The following KIAA1217 variants were observed in gnomAD, a reference collection of about 807,000 sequenced individuals.
The protein encoded by KIAA1217 is sickle tail protein homolog.
Under a neutral mutation model 163.9 loss-of-function variants are expected in KIAA1217, and 88 were observed. The observed-to-expected ratio is 0.54, with a 90% CI of 0.45 to 0.64. The LOEUF (loss-of-function observed/expected upper bound fraction) is 0.64, where lower values mean the gene tolerates loss of function less well. Ranked by LOEUF, KIAA1217 falls within the 30% of genes least tolerant of loss-of-function variation. The pLI, the probability that KIAA1217 is intolerant of heterozygous loss-of-function variation, is 0.00. For missense variants in KIAA1217, 2,372 were observed against 2,475.0 expected (o/e 0.96, Z 0.88); for synonymous variants, 903 against 923.1 (o/e 0.98, Z 0.39).
At chr10:23,722,615 C>A (rs1837929957) in intron 1 of KIAA1217, among the ~76,000 whole-genome samples, 2 of 152,102 alleles carry the variant, frequency 1.3e-5, no homozygotes, top group African/African-American at 4.8e-5. Flanking sequence ...TTAAGATGTG[C>A]CATCCTTTGA....
intron 1 of KIAA1217, among the ~76,000 whole-genome samples, chr10:23,808,949 G>A (rs11013718): frequency 0.064 from 9,775 of 152,108 alleles, 1,054 homozygotes; most frequent in African/African-American, 0.22. Context: ...TAACAAGGAA[G>A]GGATGTTAGA....
At chr10:24,347,971 C>T (rs2048000976) in intron 2 of KIAA1217, among the ~76,000 whole-genome samples, 1 of 152,200 alleles carries the variant, frequency 6.6e-6, no homozygotes, top group Non-Finnish European at 1.5e-5. Flanking sequence ...TATGCATATT[C>T]ATATGCATGT....
chr10:24,130,737 A>G (rs1361473781), intron 2 of KIAA1217, among the ~76,000 whole-genome samples: 1 of 152,210 alleles, frequency 6.6e-6, no homozygotes, highest in African/African-American at 2.4e-5. Flanking sequence ...TAAGTTCTCA[A>G]TAACTATCAA....
chr10:23,770,952 G>A (rs761640577), intron 1 of KIAA1217, among the ~76,000 whole-genome samples: 57 of 152,146 alleles, frequency 3.7e-4, no homozygotes, highest in Non-Finnish European at 6.9e-4. Context: ...ATAAATTAGC[G>A]TGTTATCAAC....
At chr10:23,856,797 C>T (rs907006382) in intron 1 of KIAA1217, among the ~76,000 whole-genome samples, 2 of 152,250 alleles carry the variant, frequency 1.3e-5, no homozygotes, top group Non-Finnish European at 2.9e-5. Context: ...ATTCTGTGGG[C>T]GTAGGACACT....
chr10:24,178,456 A>G (rs1293562303), intron 2 of KIAA1217, among the ~76,000 whole-genome samples: 4 of 152,196 alleles, frequency 2.6e-5, no homozygotes, highest in Non-Finnish European at 4.4e-5. Flanking sequence ...CTGAGGTGCT[A>G]TGATGGGATT....
chr10:23,789,934 CACATAT>C lies in KIAA1217; in HGVS notation c.-321+94711_-321+94716del, dbSNP rs1219567142. On this transcript the variant is annotated intron_variant, in intron 1 of 18. Coordinates refer to the KIAA1217 transcript ENST00000376462. ...ACATATGCATATACATGTATATATA[CACATAT>C]ACATATACATGTATATATACACATA... Among the ~76,000 whole-genome samples the C allele has an allele frequency of 1.5e-5, 2 of 132,966 alleles. 1 individual carries two copies. Among genetic ancestry groups the C allele is most frequent in the African/African-American group, 6.4e-5 (2 of 31,342 alleles). 87.2% of individuals were successfully genotyped at this position (132,966 alleles called of 152,430 possible). A position where few individuals can be genotyped will look rare whatever the true frequency, so the allele number is the denominator to read the frequency against.
At chr10:23,707,677 A>G (rs1184846281) in intron 1 of KIAA1217, among the ~76,000 whole-genome samples, 1 of 152,168 alleles carries the variant, frequency 6.6e-6, no homozygotes, top group Non-Finnish European at 1.5e-5. Flanking sequence ...GGACTTTACC[A>G]CTACACAATA....
At chr10:23,956,302 TACACACACATTC>T (rs912050447) in intron 1 of KIAA1217, among the ~76,000 whole-genome samples, 3 of 152,106 alleles carry the variant, frequency 2.0e-5, no homozygotes, top group African/African-American at 7.2e-5. Context: ...AAATAAACAG[TACACACACATTC>T]ACACACACAT....
chr10:24,060,801 C>T (rs1044107901), intron 2 of KIAA1217, among the ~76,000 whole-genome samples: 4 of 152,016 alleles, frequency 2.6e-5, no homozygotes, highest in African/African-American at 4.8e-5. Context: ...GTCACAGCTT[C>T]GGTGAGAGAG....
intron 8 of KIAA1217, among the ~76,000 whole-genome samples, chr10:24,501,081 TTAAAA>T (rs71397952): frequency 3.7e-5 from 4 of 108,228 alleles, no homozygotes; most frequent in South Asian, 5.3e-4. Context: ...GAAAAAAAAA[TTAAAA>T]TAAAAAAAAA....
intron 2 of KIAA1217, among the ~76,000 whole-genome samples, chr10:24,350,474 T>A (rs2048322736): frequency 6.6e-6 from 1 of 152,202 alleles, no homozygotes; most frequent in African/African-American, 2.4e-5. Context: ...TAACCTCTTT[T>A]GCCTGGGTGC....
chr10:24,074,089 A>G (rs1251814539), intron 2 of KIAA1217, among the ~76,000 whole-genome samples: 1 of 152,176 alleles, frequency 6.6e-6, no homozygotes, highest in African/African-American at 2.4e-5. Flanking sequence ...CATGCCTGTA[A>G]CCCCAGCACT....
In KIAA1217 at chr10:24,536,860, G is replaced by A. The variant is rs753438365; in HGVS notation, c.3501G>A (p.Arg1167=). ...CTGACAGTCACGTTAAAGACACTAGGTCGGGCGCCACAGTGCCACCCAAGG... is the reference window on the plus strand; with the variant it reads ...CTGACAGTCACGTTAAAGACACTAGATCGGGCGCCACAGTGCCACCCAAGG... ...SRADSHVKDT[R]SGATVPPKEK... Residue 1167 remains arginine (R), a synonymous_variant, in exon 17 of 21, where the codon AGG becomes AGA. Transcript: ENST00000376454. 3.1e-6 allele frequency: 5 copies of A among 1,614,070 alleles called. No homozygotes were observed. The East Asian group carries it at 8.9e-5, about 29-fold the overall frequency.
At chr10:24,177,206 G>A (rs567895033) in intron 2 of KIAA1217, among the ~76,000 whole-genome samples, 2 of 142,578 alleles carry the variant, frequency 1.4e-5, no homozygotes, top group East Asian at 2.2e-4. Context: ...CCAAGCCTGA[G>A]GAGGCACCGA....
At chr10:24,411,209 G>A (rs1250528040) in intron 3 of KIAA1217, among the ~76,000 whole-genome samples, 2 of 152,128 alleles carry the variant, frequency 1.3e-5, no homozygotes, top group Non-Finnish European at 2.9e-5. Flanking sequence ...TATTCAGTTG[G>A]ACAGGTTTTT....
At chr10:23,945,187 C>T (rs988249440) in intron 1 of KIAA1217, among the ~76,000 whole-genome samples, 1 of 151,960 alleles carries the variant, frequency 6.6e-6, no homozygotes, top group Admixed American at 6.6e-5. Flanking sequence ...TACAAGAATG[C>T]TCATAGTAGC....
intron 2 of KIAA1217, among the ~76,000 whole-genome samples, chr10:24,062,516 AT>A (rs888790983): frequency 6.0e-5 from 9 of 150,608 alleles, no homozygotes; most frequent in African/African-American, 2.2e-4. Flanking sequence ...TATGTGCCAC[AT>A]TTTCTTAATC....
Position 24,091,816 on chromosome 10 carries a change from C to G in KIAA1217, c.-171+84442C>G, listed in dbSNP as rs554909195. 9.2e-5 allele frequency among the ~76,000 whole-genome samples: 14 copies of G among 151,898 alleles called. No individual in the cohort carries two copies. The South Asian group carries it at 1.0e-3, about 11-fold the overall frequency. On this transcript the variant is annotated intron_variant, in intron 2 of 18. Coordinates refer to the KIAA1217 transcript ENST00000376462. ...CCAAAACCCCAAACATCCACTGGCT[C>G]TTAAATAACAGGGTGAACATGATGT...
Sources: gnomAD v4.1 joint callset for allele counts (sites outside exome capture counted in the v4.1 genomes callset) on GRCh38, gnomAD v4.1.1 for gene constraint, MANE v1.5 for transcripts, NCBI Gene and HGNC (gene_info 2026-07-23, HGNC 2026-07-21) for gene names.